OPLAH: variants seen among roughly 807,000 people sequenced by gnomAD.
The protein encoded by OPLAH is 5-oxoprolinase, ATP-hydrolysing, also known as 5-oxoprolinase.
OPLAH carries 103 observed loss-of-function variants against 122.8 expected under a neutral mutation model. The ratio of observed to expected loss-of-function variants is 0.84; its 90% CI spans 0.71 to 0.99. The LOEUF is 0.99. Among genes scored for constraint, OPLAH ranks in the 50% least tolerant of loss-of-function variants. The probability of loss-of-function intolerance (pLI) is 0.00; values close to 1 mark genes in which losing one functional copy is unlikely to be tolerated. For synonymous variants in OPLAH, 875 were observed against 796.0 expected (o/e 1.10, Z -1.67); for missense variants, 1,902 against 1,836.5 (o/e 1.04, Z -0.65).
rs782279512 is a variant in OPLAH, at chr8:144,056,749, C to G, written c.1713G>C (p.Gln571His). Reference protein sequence around the residue: ...ALQAQGFPRSQISTESFLHLR... With the variant: ...ALQAQGFPRSHISTESFLHLR... The stretch of plus-strand genomic sequence containing the variant: ...GGTGCAGGAAGCTCTCAGTGCTGAT[C>G]TGGGACCTGCAGCAGGTGGTTGGGG... The change falls in exon 13 of 27, where the codon CAG (glutamine) becomes CAC (histidine). Residue 571 changes from glutamine to histidine, a missense_variant. By Grantham distance (24) the Gln-to-His change is conservative. Coordinates refer to ENST00000618853, the MANE Select transcript of OPLAH (RefSeq NM_017570.5). The G allele has an allele frequency of 2.5e-6, 4 of 1,604,562 alleles. No individual in the cohort carries two copies. In the South Asian group the frequency reaches 4.4e-5, roughly 18 times the overall value.
In OPLAH at chr8:144,053,113, G is replaced by A; in HGVS notation, c.2888C>T (p.Ala963Val). Residue 963 changes from alanine (A) to valine (V), a missense_variant, in exon 21 of 27, where the codon GCC becomes GTC. Around this residue, in one of 3 missense-constraint regions of OPLAH, gnomAD observed 1,726 missense variants for 1,642.1 expected, o/e 1.05. Transcript: ENST00000618853. The stretch of plus-strand genomic sequence containing the variant: ...AAAGGCACGCAACATGTCTCGCACG[G>A]CCAGCTCAGCGTTTGCCTGGCAGGG... ...MGHIQANAEL[A>V]VRDMLRAFGT... 6.2e-7 allele frequency: 1 copy of A among 1,606,410 alleles called. No homozygotes were observed.
rs782574826 is a variant in OPLAH at position 144,052,306 on chromosome 8, G to C, written c.3324C>G (p.Thr1108=). ...AGTAGCCCATGTGGGCGTTGCCCAG[G>C]GTCACGTTGTTCATGCAGCCCTGGT... ...AASQGCMNNV[T]LGNAHMGYYE... Residue 1108 remains threonine, a synonymous_variant, in exon 24 of 27, where the codon ACC becomes ACG. Coordinates refer to ENST00000618853, the MANE Select transcript of OPLAH (RefSeq NM_017570.5). 21 of 1,529,054 alleles carry C rather than the reference G, an allele frequency of 1.4e-5. No homozygotes were observed. Among genetic ancestry groups the C allele is most frequent in the Middle Eastern group, 3.4e-4 (2 of 5,970 alleles). 94.7% of individuals were successfully genotyped at this position (1,529,054 alleles called of 1,614,324 possible).
At position 144,057,624 on chromosome 8, in the gene OPLAH, G is replaced by A; in HGVS notation, c.1246C>T (p.Gln416Ter). 1 of 1,597,656 alleles carries A rather than the reference G, an allele frequency of 6.3e-7. No homozygotes were observed. Among genetic ancestry groups the A allele is most frequent in the South Asian group, 1.1e-5 (1 of 89,230 alleles). ...CGGGAGGCCTCAGGGGAAAGTGGTTGGTTCTCTCCCGGCCCAAAAATGCAG... is the reference window on the plus strand; with the variant it reads ...CGGGAGGCCTCAGGGGAAAGTGGTTAGTTCTCTCCCGGCCCAAAAATGCAG... The part of the protein sequence containing the change: ...FPCIFGPGEN[Q>*]PLSPEASRKA... Residue 416 changes from glutamine (Q) to a stop codon, truncating the protein, a stop_gained, in exon 10 of 27, where the codon CAA becomes TAA. Transcript: ENST00000618853. LOFTEE classifies it high-confidence loss of function.
At chr8:144,056,018 G>A in intron 15 of OPLAH, 79 bp from the exon 16 acceptor site, 4 of 1,493,936 alleles carry the variant, frequency 2.7e-6, no homozygotes, top group Non-Finnish European at 3.6e-6. Flanking sequence ...CCCCAGGCCA[G>A]GGGCCACCCC....
Position 144,056,697 on chromosome 8 carries a change from G to C in OPLAH, c.1765C>G (p.Leu589Val). 6.2e-7 allele frequency: 1 copy of C among 1,611,728 alleles called. No homozygotes were observed. The highest frequency in any genetic ancestry group is 8.5e-7 in the Non-Finnish European group (1 of 1,179,616). The change falls in exon 13 of 27, where the codon CTG becomes GTG. Residue 589 changes from leucine (L) to valine (V), a missense_variant. By Grantham distance (32) the Leu-to-Val change is conservative. Coordinates refer to ENST00000618853, the MANE Select transcript of OPLAH (RefSeq NM_017570.5). The stretch of plus-strand genomic sequence containing the variant: ...GGGTGCTGGTGGGCAGACACCATCA[G>C]AGCACAGTCCGTGCCCTGGTAGCGC... ...HLRYQGTDCA[L>V]MVSAHQHPAT... is the part of the protein sequence containing the mutation.
chr8:144,057,418 G>C (rs1554759556), intron 10 of OPLAH, 30 bp downstream of exon 10: 1 of 1,583,258 alleles, frequency 6.3e-7, no homozygotes, highest in Non-Finnish European at 8.6e-7. Context: ...GCTGGGGGCA[G>C]GACAGGCGGG....
downstream of OPLAH, chr8:144,051,131 G>A: frequency 7.1e-7 from 1 of 1,403,316 alleles, no homozygotes; most frequent in Non-Finnish European, 9.2e-7. Flanking sequence ...AGCAGGTGAC[G>A]TTCAGTACCG....
rs782076015 is a variant in OPLAH, at chr8:144,055,810, TGAG to T, written c.2223_2225del (p.Phe741_Ser742delinsLeu). On this transcript the variant is annotated inframe_deletion, in exon 16 of 27. Transcript: ENST00000618853. This position sits in a 1 kb window ranked among gnomAD's most constrained non-coding sequence, Gnocchi z 6.5. ...CACCAGCAATGCTCATGAAGCGGTG[TGAG>T]AAGATGGACAGCTGGATAGGGTCCA... The T allele has an allele frequency of 2.6e-6, 4 of 1,556,798 alleles. No individual in the cohort carries two copies. The Admixed American group carries it at 7.8e-5, about 30-fold the overall frequency.
At chr8:144,062,228 T>C (rs1835675461), upstream of OPLAH, among the ~76,000 whole-genome samples, 1 of 152,136 alleles carries the variant, frequency 6.6e-6, no homozygotes, top group Non-Finnish European at 1.5e-5. Flanking sequence ...GGCAGTGGAC[T>C]CCAGCTCCCC....
Position 144,059,001 on chromosome 8 carries a change from C to A in OPLAH, c.442G>T (p.Gly148Cys). 6.3e-7 allele frequency: 1 copy of A among 1,575,784 alleles called. No individual in the cohort carries two copies. ...ERVVLHRGEA[G>C]TGTPVKGRTG... ...ACACCTTTCACAGGCGTCCCGGTGC[C>A]CGCCTCTCCACGGTGCAGCACCACG... Residue 148 changes from glycine to cysteine, a missense_variant, in exon 4 of 27, where the codon GGC becomes TGC. By Grantham distance (159) the Gly-to-Cys change is radical (BLOSUM62 -3). Around this residue, in one of 3 missense-constraint regions of OPLAH, gnomAD observed 1,726 missense variants for 1,642.1 expected, o/e 1.05. Coordinates refer to ENST00000618853, the MANE Select transcript of OPLAH (RefSeq NM_017570.5).
At position 144,057,187 on chromosome 8, in the gene OPLAH, T is replaced by A. The variant is rs782100545; in HGVS notation, c.1535+21A>T. Reference sequence around the variant, plus strand: ...CCCGGCGCAGATCACACCACCTCCGTGCACCCACACCCAGGCCCACCTGTG... The same window carrying A: ...CCCGGCGCAGATCACACCACCTCCGAGCACCCACACCCAGGCCCACCTGTG... On this transcript the variant is annotated intron_variant, in intron 11 of 26. Coordinates refer to ENST00000618853, the MANE Select transcript of OPLAH (RefSeq NM_017570.5). 43 of 1,607,888 alleles carry A rather than the reference T, an allele frequency of 2.7e-5. No individual in the cohort carries two copies. The South Asian group carries it at 4.5e-4, about 17-fold the overall frequency.
At chr8:144,058,453 C>A (rs1835584009) in intron 6 of OPLAH, 43 bp downstream of exon 6, 1 of 1,579,656 alleles carries the variant, frequency 6.3e-7, no homozygotes. Context: ...AAGGCCCAGG[C>A]CCAGGCCCAG....
At chr8:144,051,636 G>A (rs1159083647) in intron 26 of OPLAH, 93 bp downstream of exon 26, 1 of 1,226,320 alleles carries the variant, frequency 8.2e-7, no homozygotes, top group East Asian at 2.6e-5. Context: ...ATTAAACTCG[G>A]CCTCTGGTCA....
chr8:144,057,246 G>A lies in OPLAH; in HGVS notation c.1497C>T (p.Ile499=), dbSNP rs369897941. ...CCGTGTCCATGCCCAGGGCCCGGGC[G>A]ATGGCACATGCATGCTGCCCACCAG... ...GGAGGQHACA[I]ARALGMDTVH... The change falls in exon 11 of 27, where the codon ATC becomes ATT. Residue 499 remains isoleucine, a synonymous_variant. Transcript: ENST00000618853. 174 of 1,612,194 alleles carry A rather than the reference G, an allele frequency of 1.1e-4. No individual in the cohort carries two copies. The highest frequency in any genetic ancestry group is 1.6e-4 in the Middle Eastern group (1 of 6,080).
At position 144,057,444 on chromosome 8, in the gene OPLAH, G is replaced by A. The variant is rs781924577; in HGVS notation, c.1422+4C>T. ...GACAGGCGGGAGAGCAGAGGTGGAC[G>A]TACCTGCGTGAGTGCACGGATGGGC... is the stretch of plus-strand genomic sequence containing the variant. On this transcript the variant is annotated splice_donor_region_variant and intron_variant, in intron 10 of 26. Coordinates refer to ENST00000618853, the MANE Select transcript of OPLAH (RefSeq NM_017570.5). The A allele has an allele frequency of 7.0e-6, 11 of 1,581,862 alleles. No individual in the cohort carries two copies. The highest frequency in any genetic ancestry group is 3.4e-5 in the South Asian group (3 of 87,728).
Position 144,058,763 on chromosome 8 carries a change from C to A in OPLAH, c.587+10G>T, listed in dbSNP as rs566854306. 3.8e-6 allele frequency: 6 copies of A among 1,590,606 alleles called. No homozygotes were observed. Among genetic ancestry groups the A allele is most frequent in the Non-Finnish European group, 5.1e-6 (6 of 1,165,184 alleles). On this transcript the variant is annotated intron_variant, in intron 5 of 26. Coordinates refer to ENST00000618853, the MANE Select transcript of OPLAH (RefSeq NM_017570.5). ...CCTGCTCCCGCAGCCCACAGCCCCACCTCACTCACGTGTACGAGTGCATGA... is the reference window on the plus strand; with the variant it reads ...CCTGCTCCCGCAGCCCACAGCCCCAACTCACTCACGTGTACGAGTGCATGA...
In OPLAH at chr8:144,058,673, C is replaced by T; in HGVS notation, c.606G>A (p.Gln202=). ...GCTCCCGGGCCAGCACACCCACCTG[C>T]TGCTCATGCTGGGCCCACCTATGAC... is the stretch of plus-strand genomic sequence containing the variant. ...MHSYTWAQHE[Q]QVGVLARELG... is the part of the protein sequence containing the mutation. Residue 202 remains glutamine, a synonymous_variant, in exon 6 of 27, where the codon CAG becomes CAA. Coordinates refer to ENST00000618853, the MANE Select transcript of OPLAH (RefSeq NM_017570.5). 6.3e-7 allele frequency: 1 copy of T among 1,591,908 alleles called. No homozygotes were observed.
At position 144,055,141 on chromosome 8, in the gene OPLAH, T is replaced by G. The variant is rs2078575074; in HGVS notation, c.2297A>C (p.Lys766Thr). ...LQRTAISTNI[K>T]ERLDFSCALF... is the part of the protein sequence containing the mutation. ...GGCACAGGAGAAGTCCAGACGCTCCTTGATGTTGGTGGAGATGGCTGTGCG... is the reference window on the plus strand; with the variant it reads ...GGCACAGGAGAAGTCCAGACGCTCCGTGATGTTGGTGGAGATGGCTGTGCG... Residue 766 changes from lysine to threonine, a missense_variant, in exon 17 of 27, where the codon AAG becomes ACG. Lys to Thr is a moderately conservative substitution (Grantham distance 78). Transcript: ENST00000618853. This position sits in a 1 kb window ranked among gnomAD's most constrained non-coding sequence, Gnocchi z 6.5. 6.3e-7 allele frequency: 1 copy of G among 1,581,738 alleles called. No individual in the cohort carries two copies. The highest frequency in any genetic ancestry group is 8.6e-7 in the Non-Finnish European group (1 of 1,164,716).
At chr8:144,062,748 C>T (rs1554761098), upstream of OPLAH, among the ~76,000 whole-genome samples, 1 of 144,912 alleles carries the variant, frequency 6.9e-6, no homozygotes, top group Non-Finnish European at 1.5e-5. Flanking sequence ...TCTCACTGCC[C>T]TCCACCATCC....
Sources: allele counts gnomAD v4.1 joint callset (sites outside exome capture counted in the v4.1 genomes callset), GRCh38; gene constraint gnomAD v4.1.1; regional missense constraint gnomAD v4.1.1; non-coding constraint Gnocchi (gnomAD v3.1); transcripts MANE v1.5; gene names NCBI Gene and HGNC (gene_info 2026-07-23, HGNC 2026-07-21).